Variants in KCND2 observed in about 807,000 individuals in gnomAD.
KCND2 encodes A-type voltage-gated potassium channel KCND2.
KCND2 carries 16 observed loss-of-function variants against 54.4 expected under a neutral mutation model. The observed-to-expected ratio is 0.29, with a 90% confidence interval of 0.20 to 0.45. KCND2 has a LOEUF of 0.45. Ranked by LOEUF, KCND2 falls within the 20% of genes least tolerant of loss-of-function variation. The pLI, the probability that KCND2 is intolerant of heterozygous loss-of-function variation, is 1.00. For synonymous variants in KCND2, 317 were observed against 310.7 expected (o/e 1.02, Z -0.21); for missense variants, 486 against 824.2 (o/e 0.59, Z 5.02).
intron 1 of KCND2, among the ~76,000 whole-genome samples, chr7:120,506,826 A>G (rs1803029647): frequency 6.6e-6 from 1 of 151,864 alleles, no homozygotes; most frequent in Non-Finnish European, 1.5e-5. Context: ...AATTTTTTTC[A>G]CAATAGAATT....
At chr7:120,526,572 A>G (rs1392691860) in intron 1 of KCND2, among the ~76,000 whole-genome samples, 3 of 152,182 alleles carry the variant, frequency 2.0e-5, no homozygotes, top group African/African-American at 4.8e-5. Context: ...AAACTTCACA[A>G]GAAGGAACCT....
intron 1 of KCND2, among the ~76,000 whole-genome samples, chr7:120,720,138 G>T (rs1792649177): frequency 6.6e-6 from 1 of 152,064 alleles, no homozygotes; most frequent in Non-Finnish European, 1.5e-5. Context: ...AAAGCTTCGA[G>T]TGTACCCTAG....
chr7:120,574,156 A>C (rs151051461), intron 1 of KCND2, among the ~76,000 whole-genome samples: 13 of 152,322 alleles, frequency 8.5e-5, no homozygotes, highest in African/African-American at 3.1e-4. Context: ...AAATAGGTAA[A>C]GGATACAATT....
At chr7:120,691,649 A>G (rs528430742) in intron 1 of KCND2, among the ~76,000 whole-genome samples, 140 of 152,296 alleles carry the variant, frequency 9.2e-4, no homozygotes, top group Middle Eastern at 6.8e-3. Context: ...ACACATAGGC[A>G]GTTGGCTATG....
At chr7:120,616,256 C>G (rs896905534) in intron 1 of KCND2, among the ~76,000 whole-genome samples, 3 of 152,196 alleles carry the variant, frequency 2.0e-5, no homozygotes, top group Non-Finnish European at 4.4e-5. Context: ...TTTTACCCCA[C>G]TGACCATTAA....
At chr7:120,418,487 G>A (rs922178752) in intron 1 of KCND2, among the ~76,000 whole-genome samples, 6 of 152,112 alleles carry the variant, frequency 3.9e-5, no homozygotes, top group African/African-American at 1.4e-4. Context: ...GCCATCTGCT[G>A]TTCCAATGGG....
intron 1 of KCND2, among the ~76,000 whole-genome samples, chr7:120,695,841 T>G (rs1316302150): frequency 6.6e-6 from 1 of 152,122 alleles, no homozygotes; most frequent in Non-Finnish European, 1.5e-5. Context: ...GGACACTGAG[T>G]AGTTTATAGA....
intron 1 of KCND2, among the ~76,000 whole-genome samples, chr7:120,552,383 A>G (rs1393514248): frequency 2.6e-5 from 4 of 152,144 alleles, no homozygotes; most frequent in East Asian, 1.9e-4. Context: ...TTTTCTTTCT[A>G]CCTTTCTAGT....
intron 1 of KCND2, among the ~76,000 whole-genome samples, chr7:120,472,079 A>G (rs942900632): frequency 6.6e-6 from 1 of 151,970 alleles, no homozygotes; most frequent in Non-Finnish European, 1.5e-5. Context: ...CTGAGGTTAT[A>G]TTCCAACTAT....
At chr7:120,493,319 C>T (rs1023738649) in intron 1 of KCND2, among the ~76,000 whole-genome samples, 8 of 151,692 alleles carry the variant, frequency 5.3e-5, no homozygotes, top group East Asian at 3.9e-4. Flanking sequence ...CTTTTCTTAA[C>T]GGTTTAAGAA....
At chr7:120,308,659 T>C (rs568766550) in intron 1 of KCND2, among the ~76,000 whole-genome samples, 21 of 152,350 alleles carry the variant, frequency 1.4e-4, no homozygotes, top group African/African-American at 4.8e-4. Flanking sequence ...ATAATCATTT[T>C]GGTTTTCTCA....
chr7:120,570,171 G>T (rs1044982919), intron 1 of KCND2, among the ~76,000 whole-genome samples: 1 of 152,076 alleles, frequency 6.6e-6, no homozygotes, highest in South Asian at 2.1e-4. Flanking sequence ...CAAATAGACA[G>T]TTGAGCCCTA....
intron 1 of KCND2, among the ~76,000 whole-genome samples, chr7:120,588,311 T>A (rs1161084442): frequency 6.6e-6 from 1 of 152,146 alleles, no homozygotes; most frequent in Non-Finnish European, 1.5e-5. Flanking sequence ...ATTAAAATAC[T>A]ATGAATGATT....
intron 1 of KCND2, among the ~76,000 whole-genome samples, chr7:120,474,212 G>A (rs1023194738): frequency 3.9e-5 from 6 of 152,142 alleles, no homozygotes; most frequent in African/African-American, 1.4e-4. Flanking sequence ...TGAAGTCAGT[G>A]GGCACTGTGG....
chr7:120,545,686 A>G (rs1486600408), intron 1 of KCND2, among the ~76,000 whole-genome samples: 1 of 151,880 alleles, frequency 6.6e-6, no homozygotes, highest in Non-Finnish European at 1.5e-5. Flanking sequence ...GTCAGCCAGC[A>G]GAGAGTTGGT....
chr7:120,320,880 C>A (rs1799885197), intron 1 of KCND2, among the ~76,000 whole-genome samples: 2 of 152,030 alleles, frequency 1.3e-5, no homozygotes, highest in Non-Finnish European at 2.9e-5. Flanking sequence ...AAGATAAGTT[C>A]ACTGGGGGTA....
chr7:120,300,066 A>G (rs752153375), intron 1 of KCND2, among the ~76,000 whole-genome samples: 6 of 152,184 alleles, frequency 3.9e-5, no homozygotes, highest in Non-Finnish European at 8.8e-5. Context: ...AGGTTTTAGC[A>G]AAGTTAACTT....
intron 1 of KCND2, among the ~76,000 whole-genome samples, chr7:120,700,963 G>A (rs1216528293): frequency 6.6e-6 from 1 of 152,090 alleles, no homozygotes; most frequent in Non-Finnish European, 1.5e-5. Flanking sequence ...AAAATCTTCA[G>A]GGCCCCAGGC....
At chr7:120,574,469 A>G (rs1231743293) in intron 1 of KCND2, among the ~76,000 whole-genome samples, 1 of 152,226 alleles carries the variant, frequency 6.6e-6, no homozygotes, top group African/African-American at 2.4e-5. Context: ...TAAAGCATAC[A>G]TGGATTTAAA....
Sources: allele counts gnomAD v4.1 joint callset (sites outside exome capture counted in the v4.1 genomes callset), GRCh38; gene constraint gnomAD v4.1.1; transcripts MANE v1.5; gene names NCBI Gene and HGNC (gene_info 2026-07-23, HGNC 2026-07-21).